Variants in LRBA observed in about 807,000 individuals in gnomAD.
LRBA encodes the protein lipopolysaccharide-responsive and beige-like anchor protein.
In LRBA, 176 loss-of-function variants were observed where a neutral mutation model predicts 330.0. The observed-to-expected ratio is 0.53, with a 90% CI of 0.47 to 0.60. LRBA has a LOEUF of 0.60. LRBA is among the 20% of genes least tolerant of loss of function. The probability of loss-of-function intolerance (pLI) is 0.00; values close to 1 mark genes in which losing one functional copy is unlikely to be tolerated. For missense variants in LRBA, 3,259 were observed against 3,444.8 expected (o/e 0.95, Z 1.35); for synonymous variants, 1,230 against 1,193.0 (o/e 1.03, Z -0.64).
intron 47 of LRBA, among the ~76,000 whole-genome samples, chr4:150,404,351 A>T (rs560590666): frequency 2.8e-4 from 42 of 152,340 alleles, no homozygotes; most frequent in Non-Finnish European, 4.9e-4. Flanking sequence ...AAATGTTTCA[A>T]AGAAGATGAG....
chr4:150,495,726 G>A (rs1759508319), intron 40 of LRBA, among the ~76,000 whole-genome samples: 1 of 152,100 alleles, frequency 6.6e-6, no homozygotes, highest in East Asian at 1.9e-4. Context: ...ACTGGATTAG[G>A]TAGAAACAGA....
At chr4:150,580,399 G>A (rs1455095491) in intron 40 of LRBA, 2 of 152,104 alleles carry the variant, frequency 1.3e-5, no homozygotes, top group African/African-American at 4.8e-5. Flanking sequence ...AAAGAACCAA[G>A]AGGCCCAATT....
intron 53 of LRBA, among the ~76,000 whole-genome samples, chr4:150,301,435 C>CT (rs1187665280): frequency 3.3e-5 from 5 of 151,944 alleles, no homozygotes; most frequent in Non-Finnish European, 5.9e-5. Flanking sequence ...GAAATTATCC[C>CT]TTTTTTGATT....
rs74825890 is a variant in LRBA at position 150,888,343 on chromosome 4, C to A, written c.2165+4709G>T. On this transcript the variant is annotated intron_variant, in intron 17 of 56. Transcript: ENST00000651943. ...CTTCAAGAATAAACAGCAAAAGAAACTGTAAATACCTGGATAAAAGTAGAA... is the reference window on the plus strand; with the variant it reads ...CTTCAAGAATAAACAGCAAAAGAAAATGTAAATACCTGGATAAAAGTAGAA... 6.4e-3 allele frequency among the ~76,000 whole-genome samples: 978 copies of A among 152,244 alleles called. 7 individuals are homozygous for A. Among genetic ancestry groups the A allele is most frequent in the African/African-American group, 0.023 (954 of 41,560 alleles).
At chr4:150,647,356 T>TC (rs1159893856) in intron 37 of LRBA, among the ~76,000 whole-genome samples, 2 of 132,572 alleles carry the variant, frequency 1.5e-5, no homozygotes, top group South Asian at 5.2e-4. Flanking sequence ...CTTTTTCTTT[T>TC]TTTTTTTTTT....
intron 44 of LRBA, among the ~76,000 whole-genome samples, chr4:150,448,728 G>A (rs1752926205): frequency 7.3e-6 from 1 of 136,398 alleles, no homozygotes; most frequent in Non-Finnish European, 1.5e-5. Flanking sequence ...CTTGAACCCA[G>A]AAGGCAGAGG....
At chr4:150,733,631 G>T (rs1730799334) in intron 36 of LRBA, among the ~76,000 whole-genome samples, 1 of 151,258 alleles carries the variant, frequency 6.6e-6, no homozygotes, top group African/African-American at 2.4e-5. Context: ...ATCCAGCATG[G>T]AATTAGTTTA....
At chr4:150,736,740 T>C (rs971707428) in intron 35 of LRBA, among the ~76,000 whole-genome samples, 10 of 152,128 alleles carry the variant, frequency 6.6e-5, no homozygotes, top group African/African-American at 2.2e-4. Flanking sequence ...CATATGTTGA[T>C]GGAGTGCTAC....
At chr4:150,458,968 A>G (rs1461552899) in intron 44 of LRBA, among the ~76,000 whole-genome samples, 1 of 151,990 alleles carries the variant, frequency 6.6e-6, no homozygotes, top group Admixed American at 6.6e-5. Context: ...CTGACTGAGC[A>G]TATAGACCAT....
intron 47 of LRBA, among the ~76,000 whole-genome samples, chr4:150,379,370 A>G (rs889908343): frequency 1.3e-5 from 2 of 151,242 alleles, no homozygotes; most frequent in African/African-American, 4.9e-5. Flanking sequence ...CAAAAATTCC[A>G]TAATTAGAAA....
rs1205606747 is a variant in LRBA at position 150,265,474 on chromosome 4, T to C, written c.*248A>G. The C allele has an allele frequency of 1.2e-5, 4 of 347,684 alleles. No individual in the cohort carries two copies. Among genetic ancestry groups the C allele is most frequent in the East Asian group, 5.4e-5 (1 of 18,636 alleles). The allele number at this position is 347,684 out of a possible 1,614,324, so 21.5% of individuals were successfully genotyped here. On this transcript the variant is annotated 3_prime_UTR_variant, in exon 57 of 57. Transcript: ENST00000651943. ...TGTATGTTTCCATAATTGGTGAAAA[T>C]AGACTTCTCATTATGACTAAAAATA... is the stretch of plus-strand genomic sequence containing the variant.
At chr4:150,433,139 A>G (rs182197661) in intron 46 of LRBA, among the ~76,000 whole-genome samples, 12 of 152,328 alleles carry the variant, frequency 7.9e-5, no homozygotes, top group Admixed American at 3.9e-4. Context: ...TCCAAACATA[A>G]GAGGGAGCTG....
At chr4:150,346,757 C>CAAAAAAAAAAAAAAAAA (rs57119340) in intron 48 of LRBA, among the ~76,000 whole-genome samples, 5 of 66,154 alleles carry the variant, frequency 7.6e-5, no homozygotes, top group African/African-American at 3.9e-4. Context: ...GACTCTGTCT[C>CAAAAAAAAAAAAAAAAA]AAAAAAAAAA....
chr4:150,566,807 AT>A (rs1769194884), intron 40 of LRBA, among the ~76,000 whole-genome samples: 1 of 152,154 alleles, frequency 6.6e-6, no homozygotes, highest in Non-Finnish European at 1.5e-5. Context: ...TTCAGCACTT[AT>A]GAAATAGAAT....
chr4:150,528,139 A>G (rs1299187249), intron 40 of LRBA, among the ~76,000 whole-genome samples: 1 of 152,168 alleles, frequency 6.6e-6, no homozygotes, highest in African/African-American at 2.4e-5. Flanking sequence ...TGTACTATAA[A>G]TATCAACTTC....
At chr4:150,743,566 C>G (rs969571161) in intron 35 of LRBA, among the ~76,000 whole-genome samples, 1 of 152,150 alleles carries the variant, frequency 6.6e-6, no homozygotes, top group African/African-American at 2.4e-5. Context: ...CAGGGGTCAG[C>G]AAATTAAGGC....
At chr4:150,529,164 C>T (rs920268113) in intron 40 of LRBA, among the ~76,000 whole-genome samples, 3 of 152,154 alleles carry the variant, frequency 2.0e-5, no homozygotes, top group Admixed American at 1.3e-4. Flanking sequence ...ATCCTAGAAT[C>T]GACCAGTTTC....
intron 47 of LRBA, among the ~76,000 whole-genome samples, chr4:150,363,603 G>A (rs1739026260): frequency 6.6e-6 from 1 of 152,186 alleles, no homozygotes; most frequent in South Asian, 2.1e-4. Context: ...TGTATAACCA[G>A]TATGTAGTAG....
chr4:150,862,628 T>A (rs1752100792), intron 22 of LRBA, among the ~76,000 whole-genome samples: 1 of 148,942 alleles, frequency 6.7e-6, no homozygotes, highest in Admixed American at 6.8e-5. Flanking sequence ...TATACATATG[T>A]AACAAACCTG....
Sources: gnomAD v4.1 joint callset for allele counts (sites outside exome capture counted in the v4.1 genomes callset) on GRCh38, gnomAD v4.1.1 for gene constraint, MANE v1.5 for transcripts, NCBI Gene and HGNC (gene_info 2026-07-23, HGNC 2026-07-21) for gene names.